The following TENM1 variants were observed in gnomAD, a reference collection of about 807,000 sequenced individuals.
TENM1 encodes teneurin transmembrane protein 1.
In TENM1, 35 loss-of-function variants were observed where a neutral mutation model predicts 174.8. That is an observed-to-expected ratio of 0.20 (90% CI 0.15 to 0.27). TENM1 has a LOEUF of 0.27. Ranked by LOEUF, TENM1 falls within the 10% of genes least tolerant of loss-of-function variation. TENM1 has a pLI of 1.00. For synonymous variants in TENM1, 781 were observed against 798.7 expected (o/e 0.98, Z 0.37); for missense variants, 1,633 against 2,130.1 (o/e 0.77, Z 4.59).
chrX:124,938,077 T>C, intron 1 of TENM1, among the ~76,000 whole-genome samples: 1 of 111,849 alleles, frequency 8.9e-6, no homozygotes, highest in Non-Finnish European at 1.9e-5. Flanking sequence ...CATAATTCAA[T>C]TCCTGATGTA....
At chrX:124,942,429 G>T (rs1053214192) in intron 1 of TENM1, among the ~76,000 whole-genome samples, 1 of 111,826 alleles carries the variant, frequency 8.9e-6, no homozygotes, top group African/African-American at 3.2e-5. Context: ...TCACCTTGAA[G>T]ATTATGCTTT....
chrX:125,162,855 G>A, the TENM1 span, among the ~76,000 whole-genome samples: 15,987 of 110,455 alleles, frequency 0.14, 873 homozygotes, highest in East Asian at 0.21. Flanking sequence ...CTGCAAAGAC[G>A]ACATGTCCAG....
At chrX:124,463,686 C>T (rs755609225) in intron 22 of TENM1, among the ~76,000 whole-genome samples, 32 of 111,133 alleles carry the variant, frequency 2.9e-4, no homozygotes, top group Non-Finnish European at 3.2e-4. Context: ...TTAAAGTTTC[C>T]GTACACAGAA....
At chrX:124,886,542 T>TAGAGAGAGAGAG (rs1193540402) in intron 3 of TENM1, among the ~76,000 whole-genome samples, 1 of 88,670 alleles carries the variant, frequency 1.1e-5, no homozygotes, top group African/African-American at 4.5e-5. Context: ...TATATATATA[T>TAGAGAGAGAGAG]ATATATAGAG....
chrX:125,009,832 T>A, the TENM1 span, among the ~76,000 whole-genome samples: 1 of 111,421 alleles, frequency 9.0e-6, no homozygotes, highest in South Asian at 3.8e-4. Flanking sequence ...AAATTCAACA[T>A]CCCTTCATGT....
chrX:124,662,142 G>A (rs1417780495), intron 6 of TENM1, among the ~76,000 whole-genome samples: 2 of 110,163 alleles, frequency 1.8e-5, no homozygotes, highest in Non-Finnish European at 3.8e-5. Context: ...CTCTCTATTG[G>A]CTCCTCATTC....
intron 11 of TENM1, among the ~76,000 whole-genome samples, chrX:124,598,455 T>A (rs1490141422): frequency 8.9e-6 from 1 of 111,931 alleles, no homozygotes. Context: ...GTTGCAGCAC[T>A]GTTCACAATA....
intron 5 of TENM1, among the ~76,000 whole-genome samples, chrX:124,699,132 G>A (rs2052717361): frequency 9.0e-6 from 1 of 111,510 alleles, no homozygotes; most frequent in South Asian, 3.7e-4. Context: ...TATACAATTT[G>A]GGTGGAGAGA....
At chrX:125,153,253 T>C in the TENM1 span, among the ~76,000 whole-genome samples, 2 of 111,803 alleles carry the variant, frequency 1.8e-5, no homozygotes, top group Non-Finnish European at 3.8e-5. Flanking sequence ...TGGAGATTTT[T>C]TTAAAAAATC....
At chrX:124,911,721 C>T (rs1252988933) in intron 1 of TENM1, among the ~76,000 whole-genome samples, 1 of 111,429 alleles carries the variant, frequency 9.0e-6, no homozygotes. Context: ...TGGGATGGAG[C>T]CAGTTTGTAA....
At chrX:124,979,511 T>G in the TENM1 span, among the ~76,000 whole-genome samples, 1 of 112,083 alleles carries the variant, frequency 8.9e-6, no homozygotes, top group South Asian at 3.7e-4. Context: ...TATATTGTTA[T>G]AATATTTTGA....
chrX:124,962,551 G>A (rs1214326673), intron 1 of TENM1, among the ~76,000 whole-genome samples: 1 of 112,135 alleles, frequency 8.9e-6, no homozygotes, highest in Non-Finnish European at 1.9e-5. Flanking sequence ...CGGGCGCGGT[G>A]GCTCATGCCT....
chrX:125,153,390 C>G, the TENM1 span, among the ~76,000 whole-genome samples: 11 of 112,244 alleles, frequency 9.8e-5, no homozygotes, highest in African/African-American at 3.6e-4. Context: ...AAAAACCTGA[C>G]TAGCTTAAAT....
the TENM1 span, among the ~76,000 whole-genome samples, chrX:125,189,222 T>G: frequency 8.9e-6 from 1 of 111,742 alleles, no homozygotes; most frequent in Non-Finnish European, 1.9e-5. Context: ...TTGATCTATG[T>G]CAGATACCAC....
At chrX:124,432,960 G>A (rs2060796573) in intron 23 of TENM1, among the ~76,000 whole-genome samples, 1 of 112,214 alleles carries the variant, frequency 8.9e-6, no homozygotes, top group South Asian at 3.7e-4. Flanking sequence ...ACCAGTGAGA[G>A]TTCTAGCAGA....
At chrX:124,719,406 C>T (rs1205986152) in intron 4 of TENM1, among the ~76,000 whole-genome samples, 7 of 111,268 alleles carry the variant, frequency 6.3e-5, no homozygotes, top group African/African-American at 2.3e-4. Context: ...CCCTCATGAA[C>T]CTGTCATGAG....
At chrX:125,144,894 C>T in the TENM1 span, among the ~76,000 whole-genome samples, 1 of 110,368 alleles carries the variant, frequency 9.1e-6, no homozygotes, top group African/African-American at 3.3e-5. Flanking sequence ...TCCCCTCCCC[C>T]ACCACGCCCA....
chrX:124,376,108 C>T (rs2060101335), exon 32 of TENM1: 1 of 111,826 alleles, frequency 8.9e-6, no homozygotes, highest in Admixed American at 9.5e-5. Context: ...TGTACAGTAT[C>T]CAGTCACTTT....
intron 15 of TENM1, among the ~76,000 whole-genome samples, chrX:124,535,172 CAG>C (rs750251187): frequency 2.6e-4 from 29 of 111,702 alleles, no homozygotes; most frequent in African/African-American, 9.4e-4. Flanking sequence ...GTCGTATCCT[CAG>C]AGTTTCTGAT....
Sources: allele counts gnomAD v4.1 joint callset (sites outside exome capture counted in the v4.1 genomes callset), GRCh38; gene constraint gnomAD v4.1.1; transcripts MANE v1.5; gene names NCBI Gene and HGNC (gene_info 2026-07-23, HGNC 2026-07-21).